The following FAM81B variants were observed in gnomAD, a reference collection of about 807,000 sequenced individuals.
The protein encoded by FAM81B is family with sequence similarity 81 member B.
A neutral mutation model predicts 58.7 loss-of-function variants in FAM81B; 60 were observed. The ratio of observed to expected loss-of-function variants is 1.02; its 90% confidence interval spans 0.83 to 1.27. The LOEUF is 1.27. FAM81B is among the 50% of genes most tolerant of loss of function. FAM81B has a pLI of 0.00. For missense variants in FAM81B, 491 were observed against 522.0 expected (o/e 0.94, Z 0.58); for synonymous variants, 189 against 179.6 (o/e 1.05, Z -0.42).
chr5:95,436,931 T>C, intron 7 of FAM81B, 25 bp downstream of exon 7: 2 of 1,554,904 alleles, frequency 1.3e-6, no homozygotes, highest in Non-Finnish European at 1.8e-6. Context: ...GATTTTTAAT[T>C]CTGTTAAGTG....
chr5:95,444,372 G>T (rs907761563), intron 7 of FAM81B, among the ~76,000 whole-genome samples: 3 of 152,288 alleles, frequency 2.0e-5, no homozygotes, highest in Non-Finnish European at 4.4e-5. Context: ...ATTAAGTAGG[G>T]TAAGAGAATA....
chr5:95,404,988 A>G (rs13163535), intron 3 of FAM81B, among the ~76,000 whole-genome samples: 1 of 152,222 alleles, frequency 6.6e-6, no homozygotes, highest in African/African-American at 2.4e-5. Flanking sequence ...TGGATAAGCC[A>G]TAGGAAGGTT....
At chr5:95,399,726 A>C (rs1762058131) in intron 3 of FAM81B, among the ~76,000 whole-genome samples, 1 of 152,290 alleles carries the variant, frequency 6.6e-6, no homozygotes, top group East Asian at 1.9e-4. Flanking sequence ...AGCCCCCACC[A>C]ACCTCTGGGC....
chr5:95,400,429 T>TACAG (rs1554042690), intron 3 of FAM81B, among the ~76,000 whole-genome samples: 1 of 97,972 alleles, frequency 1.0e-5, no homozygotes, highest in Non-Finnish European at 2.0e-5. Context: ...CATACATACA[T>TACAG]ACATACACAC....
At chr5:95,408,576 A>G (rs1013003565) in intron 3 of FAM81B, among the ~76,000 whole-genome samples, 1 of 152,220 alleles carries the variant, frequency 6.6e-6, no homozygotes. Flanking sequence ...TCTTCTCTGC[A>G]TGTAATGTAG....
chr5:95,409,252 G>A (rs1762345406), intron 3 of FAM81B, among the ~76,000 whole-genome samples: 1 of 152,068 alleles, frequency 6.6e-6, no homozygotes, highest in African/African-American at 2.4e-5. Context: ...TCCACCTTGC[G>A]GGTTCAAGTG....
At chr5:95,392,761 T>C (rs1761861048) in intron 1 of FAM81B, 33 bp from the exon 2 acceptor site, 5 of 1,571,278 alleles carry the variant, frequency 3.2e-6, no homozygotes, top group African/African-American at 1.4e-5. Context: ...CTTGTCATAG[T>C]TCCTGACCTG....
At chr5:95,445,178 T>C (rs1045229694) in intron 7 of FAM81B, among the ~76,000 whole-genome samples, 6 of 152,236 alleles carry the variant, frequency 3.9e-5, no homozygotes, top group African/African-American at 1.4e-4. Context: ...TAATTTCCAA[T>C]GATAAACATC....
At chr5:95,443,581 G>A (rs1318023917) in intron 7 of FAM81B, among the ~76,000 whole-genome samples, 3 of 152,058 alleles carry the variant, frequency 2.0e-5, no homozygotes, top group African/African-American at 7.2e-5. Flanking sequence ...TGTAAGTTCT[G>A]TAATTAATAT....
intron 6 of FAM81B, among the ~76,000 whole-genome samples, chr5:95,436,540 T>C (rs1440810678): frequency 1.3e-5 from 2 of 152,214 alleles, no homozygotes; most frequent in African/African-American, 4.8e-5. Flanking sequence ...TTAGATGGCC[T>C]ATGATCAAAA....
At chr5:95,393,996 T>C (rs962194297) in intron 2 of FAM81B, among the ~76,000 whole-genome samples, 1 of 152,154 alleles carries the variant, frequency 6.6e-6, no homozygotes, top group African/African-American at 2.4e-5. Flanking sequence ...AGCAAAGATA[T>C]AAAAATTTAA....
At chr5:95,410,877 A>G (rs1340332269) in intron 3 of FAM81B, 1 of 152,188 alleles carries the variant, frequency 6.6e-6, no homozygotes, top group East Asian at 1.9e-4. Context: ...TACCAAATAA[A>G]TAGTTCTGAG....
At chr5:95,444,216 T>C (rs1159086423) in intron 7 of FAM81B, among the ~76,000 whole-genome samples, 1 of 152,220 alleles carries the variant, frequency 6.6e-6, no homozygotes, top group Admixed American at 6.5e-5. Flanking sequence ...TTTAGCCAAC[T>C]ATTTATTGAG....
chr5:95,424,840 T>A (rs1026905201), intron 5 of FAM81B, among the ~76,000 whole-genome samples: 24 of 152,128 alleles, frequency 1.6e-4, no homozygotes, highest in African/African-American at 5.8e-4. Context: ...TAAATAATAA[T>A]TTTAAAAGTA....
intron 5 of FAM81B, chr5:95,424,031 T>C (rs1160328261): frequency 1.6e-6 from 2 of 1,289,490 alleles, no homozygotes; most frequent in East Asian, 1.1e-4. Context: ...CCGTGTTCTT[T>C]ATCATTTCTA....
At chr5:95,398,235 A>G (rs1055811372) in intron 3 of FAM81B, among the ~76,000 whole-genome samples, 3 of 152,146 alleles carry the variant, frequency 2.0e-5, no homozygotes, top group Admixed American at 1.3e-4. Flanking sequence ...CCTAGCCAAC[A>G]TGGTGAAACC....
intron 7 of FAM81B, among the ~76,000 whole-genome samples, chr5:95,444,771 T>A (rs1006304426): frequency 6.6e-6 from 1 of 152,236 alleles, no homozygotes; most frequent in African/African-American, 2.4e-5. Context: ...AGACTGTAAC[T>A]AATATAACTA....
intron 2 of FAM81B, 139 bp from the exon 3 acceptor site, chr5:95,395,972 T>C: frequency 1.7e-6 from 1 of 585,358 alleles, no homozygotes; most frequent in East Asian, 3.1e-5. Flanking sequence ...AAAGGGGACA[T>C]GTGTAAGATT....
At chr5:95,420,190 C>A in intron 4 of FAM81B, 94 bp from the exon 5 acceptor site, 2 of 1,508,860 alleles carry the variant, frequency 1.3e-6, no homozygotes, top group Non-Finnish European at 1.8e-6. Flanking sequence ...AGCCTAATTA[C>A]AAAATGCATT....
Sources: gnomAD v4.1 joint callset for allele counts (sites outside exome capture counted in the v4.1 genomes callset) on GRCh38, gnomAD v4.1.1 for gene constraint, MANE v1.5 for transcripts, NCBI Gene and HGNC (gene_info 2026-07-23, HGNC 2026-07-21) for gene names.